Variants in SSBP3 observed in about 807,000 individuals in gnomAD.
The protein encoded by SSBP3 is single stranded DNA binding protein 3.
Under a neutral mutation model 69.6 loss-of-function variants are expected in SSBP3, and 5 were observed. The observed-to-expected ratio is 0.07, with a 90% confidence interval of 0.04 to 0.15. SSBP3 has a LOEUF of 0.15. Ranked by LOEUF, SSBP3 falls within the 10% of genes least tolerant of loss-of-function variation. The probability of loss-of-function intolerance (pLI) is 1.00; values close to 1 mark genes in which losing one functional copy is unlikely to be tolerated. For synonymous variants in SSBP3, 196 were observed against 193.4 expected, an observed-to-expected ratio of 1.01 and a Z score of -0.11; for missense variants, 312 against 534.0, an observed-to-expected ratio of 0.58 and a Z score of 4.10.
At chr1:54,236,613 A>C (rs900344466) in intron 14 of SSBP3, 1 of 152,180 alleles carries the variant, frequency 6.6e-6, no homozygotes, top group Non-Finnish European at 1.5e-5. Flanking sequence ...TCTCATCTCA[A>C]TGCATTTCCA....
At chr1:54,262,213 C>T (rs77644697) in intron 5 of SSBP3, among the ~76,000 whole-genome samples, 1,931 of 152,206 alleles carry the variant, frequency 0.013, 30 homozygotes, top group African/African-American at 0.044. Flanking sequence ...TCATCTAATC[C>T]CGGACTCCTC....
intron 4 of SSBP3, chr1:54,286,733 A>AC: frequency 6.6e-6 from 1 of 152,398 alleles, no homozygotes; most frequent in East Asian, 1.9e-4. Context: ...CAGGGTTCAA[A>AC]CAGGGGGCCT....
chr1:54,242,832 A>G (rs558641071), intron 10 of SSBP3: 1 of 171,064 alleles, frequency 5.8e-6, no homozygotes, highest in African/African-American at 2.4e-5. Context: ...AGCCTGTAAC[A>G]CCAGCTACTC....
At chr1:54,376,733 C>T (rs1014695904) in intron 4 of SSBP3, among the ~76,000 whole-genome samples, 2 of 152,206 alleles carry the variant, frequency 1.3e-5, no homozygotes, top group East Asian at 1.9e-4. Flanking sequence ...ACCACCAGCG[C>T]ATCAAAGGTA....
intron 4 of SSBP3, among the ~76,000 whole-genome samples, chr1:54,302,442 G>C (rs1424265972): frequency 6.6e-6 from 1 of 151,764 alleles, no homozygotes; most frequent in Non-Finnish European, 1.5e-5. Flanking sequence ...CTCCCAAGTA[G>C]CTAGGATTAC....
intron 14 of SSBP3, chr1:54,237,305 T>G (rs1358711627): frequency 1.3e-5 from 2 of 152,182 alleles, no homozygotes; most frequent in African/African-American, 4.8e-5. Flanking sequence ...AACCTCCGAA[T>G]CAGGAAATGT....
At chr1:54,240,788 C>T (rs936780302) in intron 13 of SSBP3, 117 bp downstream of exon 13, 1 of 1,354,388 alleles carries the variant, frequency 7.4e-7, no homozygotes, top group Admixed American at 1.8e-5. Context: ...AGATGTGCTG[C>T]CCAGGAAGGA....
chr1:54,316,643 G>A (rs1216154810), intron 4 of SSBP3, among the ~76,000 whole-genome samples: 22 of 72,690 alleles, frequency 3.0e-4, no homozygotes, highest in African/African-American at 1.7e-3. Flanking sequence ...GCGAGACTCC[G>A]TCTCAAAAAA....
At chr1:54,228,592 C>G in intron 15 of SSBP3, 115 bp from the exon 16 acceptor site, 12 of 1,505,520 alleles carry the variant, frequency 8.0e-6, no homozygotes, top group Non-Finnish European at 9.9e-6. Flanking sequence ...CCACACTGTG[C>G]GGAGGGCTTT....
At chr1:54,239,672 T>TTCACA (rs2100628060) in intron 13 of SSBP3, among the ~76,000 whole-genome samples, 1 of 152,280 alleles carries the variant, frequency 6.6e-6, no homozygotes, top group African/African-American at 2.4e-5. Context: ...TGGAAACGCA[T>TTCACA]TCACATATGG....
intron 9 of SSBP3, among the ~76,000 whole-genome samples, chr1:54,248,192 C>A (rs1420032638): frequency 6.6e-6 from 1 of 152,218 alleles, no homozygotes; most frequent in Non-Finnish European, 1.5e-5. Flanking sequence ...TGCCGATGGT[C>A]TCCCACCTTT....
At chr1:54,345,334 A>G (rs770697457) in intron 4 of SSBP3, among the ~76,000 whole-genome samples, 4 of 152,156 alleles carry the variant, frequency 2.6e-5, no homozygotes, top group Non-Finnish European at 5.9e-5. Context: ...GTTCCCAGCT[A>G]CCAAGGCAGC....
chr1:54,329,274 A>T (rs1646365777), intron 4 of SSBP3, among the ~76,000 whole-genome samples: 1 of 152,246 alleles, frequency 6.6e-6, no homozygotes, highest in Non-Finnish European at 1.5e-5. Flanking sequence ...TTCAAGGCAG[A>T]CACATTAAGA....
At chr1:54,243,358 G>A (rs1644675991) in intron 9 of SSBP3, 59 bp from the exon 10 acceptor site, 2 of 1,591,632 alleles carry the variant, frequency 1.3e-6, no homozygotes, top group South Asian at 1.1e-5. Flanking sequence ...CAGGAGGAGG[G>A]AGGAGAAACA....
chr1:54,386,723 A>G (rs572551734), intron 4 of SSBP3, among the ~76,000 whole-genome samples: 1 of 69,322 alleles, frequency 1.4e-5, no homozygotes, highest in African/African-American at 7.2e-5. Context: ...GAGTTTCACT[A>G]TGTTGTCACA....
chr1:54,408,934 G>GGA (rs1557602503), upstream of SSBP3, among the ~76,000 whole-genome samples: 4 of 152,184 alleles, frequency 2.6e-5, no homozygotes, highest in African/African-American at 9.7e-5. Flanking sequence ...GAGGGCCCGG[G>GGA]CAGAGAGAGC....
chr1:54,241,434 A>C, intron 12 of SSBP3, 40 bp downstream of exon 12: 1 of 1,611,050 alleles, frequency 6.2e-7, no homozygotes, highest in Non-Finnish European at 8.5e-7. Flanking sequence ...ACTCAGTCCC[A>C]CGTGGCTAGA....
intron 6 of SSBP3, 93 bp from the exon 7 acceptor site, chr1:54,257,279 A>G: frequency 3.6e-6 from 4 of 1,118,690 alleles, no homozygotes; most frequent in South Asian, 3.4e-5. Flanking sequence ...CAGTTTTGTT[A>G]TAACTAGTGA....
At chr1:54,403,465 C>T (rs540645665) in intron 3 of SSBP3, among the ~76,000 whole-genome samples, 37 of 152,334 alleles carry the variant, frequency 2.4e-4, no homozygotes, top group Admixed American at 2.4e-3. Flanking sequence ...CACACTCCCT[C>T]CAAAAACAGC....
Sources: allele counts gnomAD v4.1 joint callset (sites outside exome capture counted in the v4.1 genomes callset), GRCh38; gene constraint gnomAD v4.1.1; transcripts MANE v1.5; gene names NCBI Gene and HGNC (gene_info 2026-07-23, HGNC 2026-07-21).